DLAT: variants seen among roughly 807,000 people sequenced by gnomAD.
DLAT encodes dihydrolipoamide S-acetyltransferase.
Under a neutral mutation model 68.0 loss-of-function variants are expected in DLAT, and 43 were observed. That is an observed-to-expected ratio of 0.63 (90% CI 0.50 to 0.81). The LOEUF (loss-of-function observed/expected upper bound fraction) is 0.81, where lower values mean the gene tolerates loss of function less well. DLAT is among the 40% of genes least tolerant of loss of function. The probability of loss-of-function intolerance (pLI) is 0.00; values close to 1 mark genes in which losing one functional copy is unlikely to be tolerated. For synonymous variants in DLAT, 265 were observed against 288.6 expected (o/e 0.92, Z 0.83); for missense variants, 745 against 815.4 (o/e 0.91, Z 1.05).
intron 4 of DLAT, chr11:112,029,865 A>T: frequency 1.6e-6 from 1 of 618,432 alleles, no homozygotes; most frequent in South Asian, 1.4e-5. Context: ...AGATCACCAC[A>T]GTAGTTTGGG....
intron 4 of DLAT, among the ~76,000 whole-genome samples, chr11:112,029,149 C>G (rs1041993012): frequency 3.9e-5 from 6 of 152,218 alleles, no homozygotes; most frequent in African/African-American, 1.2e-4. Context: ...GTTCCTGTAA[C>G]CTTTCTCAGC....
intron 6 of DLAT, among the ~76,000 whole-genome samples, chr11:112,037,799 A>T (rs1555180687): frequency 6.8e-6 from 1 of 146,864 alleles, no homozygotes; most frequent in Non-Finnish European, 1.5e-5. Flanking sequence ...TTTTTAAGAG[A>T]CAAGGTCTCA....
At chr11:112,029,862 C>G in intron 4 of DLAT, 2 of 615,348 alleles carry the variant, frequency 3.3e-6, no homozygotes, top group South Asian at 2.7e-5. Context: ...TTGAGATCAC[C>G]ACAGTAGTTT....
Position 112,045,188 on chromosome 11 carries a change from T to C in DLAT, c.1248T>C (p.Pro416=). The C allele has an allele frequency of 1.2e-6, 2 of 1,614,186 alleles. No homozygotes were observed. The highest frequency in any genetic ancestry group is 1.6e-4 in the Middle Eastern group (1 of 6,062). ...CAGGTCCTGGAATGGCACCAGTTCCTACAGGTGTCTTCACAGATATCCCAA... is the reference window on the plus strand; with the variant it reads ...CAGGTCCTGGAATGGCACCAGTTCCCACAGGTGTCTTCACAGATATCCCAA... ...PPTGPGMAPV[P]TGVFTDIPIS... Residue 416 remains proline, a synonymous_variant, in exon 9 of 14, where the codon CCT becomes CCC. Coordinates refer to ENST00000280346, the MANE Select transcript of DLAT (RefSeq NM_001931.5).
intron 8 of DLAT, 45 bp downstream of exon 8, chr11:112,043,578 A>T (rs782515834): frequency 2.1e-6 from 3 of 1,456,938 alleles, no homozygotes; most frequent in South Asian, 2.3e-5. Flanking sequence ...TTGTCTCTAC[A>T]GCCTGTTAGA....
chr11:112,031,303 C>T (rs923845132), intron 4 of DLAT, among the ~76,000 whole-genome samples: 7 of 152,124 alleles, frequency 4.6e-5, no homozygotes, highest in African/African-American at 1.7e-4. Flanking sequence ...ATACACAAGC[C>T]ATATAAATAG....
intron 5 of DLAT, 63 bp downstream of exon 5, chr11:112,033,593 C>T: frequency 1.3e-6 from 2 of 1,586,724 alleles, no homozygotes; most frequent in Non-Finnish European, 1.7e-6. Context: ...AGAGGATTGC[C>T]ATTCTTTCCT....
At chr11:112,050,963 T>C (rs1457631064) in intron 10 of DLAT, among the ~76,000 whole-genome samples, 3 of 152,216 alleles carry the variant, frequency 2.0e-5, no homozygotes, top group African/African-American at 7.2e-5. Flanking sequence ...GTATATTCTC[T>C]TTCTCTTCCT....
In DLAT at chr11:112,063,909, A is replaced by G. The variant is rs587726387; in HGVS notation, c.*1374A>G. Reference sequence around the variant, plus strand: ...GAATCTGACCAGTGCTTCCTGGTATATGTAATATGTGGAGTTAGCCCCTGA... The same window carrying G: ...GAATCTGACCAGTGCTTCCTGGTATGTGTAATATGTGGAGTTAGCCCCTGA... On this transcript the variant is annotated 3_prime_UTR_variant, in exon 14 of 14. Transcript: ENST00000280346. 9.7e-5 allele frequency: 34 copies of G among 350,182 alleles called. No homozygotes were observed. Among genetic ancestry groups the G allele is most frequent in the African/African-American group, 4.6e-4 (22 of 47,562 alleles). The allele number at this position is 350,182 out of a possible 1,614,324, so 21.7% of individuals were successfully genotyped here.
At chr11:112,031,148 C>T (rs372996488) in intron 4 of DLAT, among the ~76,000 whole-genome samples, 45 of 152,296 alleles carry the variant, frequency 3.0e-4, no homozygotes, top group African/African-American at 1.0e-3. Context: ...ACAAAAAAAG[C>T]ACTTACAATT....
intron 11 of DLAT, among the ~76,000 whole-genome samples, chr11:112,056,272 G>T (rs1864068995): frequency 6.6e-6 from 1 of 152,100 alleles, no homozygotes; most frequent in Non-Finnish European, 1.5e-5. Context: ...GAATTACGCA[G>T]TCTTTACCAC....
chr11:112,055,465 C>T (rs1206767183), intron 11 of DLAT, among the ~76,000 whole-genome samples: 3 of 151,810 alleles, frequency 2.0e-5, no homozygotes, highest in Admixed American at 6.6e-5. Flanking sequence ...AGGATGGTCT[C>T]GATCTCCTGA....
chr11:112,028,669 T>C (rs781965971), intron 3 of DLAT, 30 bp downstream of exon 3: 1 of 1,614,176 alleles, frequency 6.2e-7, no homozygotes, highest in Non-Finnish European at 8.5e-7. Flanking sequence ...TTTGTGGAAC[T>C]TCATTGCTTG....
intron 10 of DLAT, among the ~76,000 whole-genome samples, chr11:112,050,228 A>T (rs1014064018): frequency 1.4e-4 from 22 of 152,138 alleles, no homozygotes; most frequent in Non-Finnish European, 2.9e-5. Context: ...AGATTTGATC[A>T]TGGTGAATGA....
At chr11:112,033,358 A>T (rs1862518513) in intron 4 of DLAT, 46 bp from the exon 5 acceptor site, 2 of 1,605,398 alleles carry the variant, frequency 1.2e-6, no homozygotes, top group African/African-American at 2.7e-5. Flanking sequence ...TTTATTATGT[A>T]GAAGTCTTCC....
chr11:112,025,526 C>A lies in DLAT; in HGVS notation c.54C>A (p.Leu18=), dbSNP rs1286345918. The A allele has an allele frequency of 6.8e-6, 11 of 1,613,830 alleles. No individual in the cohort carries two copies. In the African/African-American group the frequency reaches 1.2e-4, roughly 18 times the overall value. Residue 18 remains leucine, a synonymous_variant, in exon 1 of 14, where the codon CTC becomes CTA. Transcript: ENST00000280346. The part of the protein sequence containing the change: ...RAQNVAPWAG[L]EARWTALQEV... Reference sequence around the variant, plus strand: ...AGAATGTAGCCCCATGGGCGGGACTCGAGGCTCGGTGGACGGCCTTGCAGG... The same window carrying A: ...AGAATGTAGCCCCATGGGCGGGACTAGAGGCTCGGTGGACGGCCTTGCAGG...
chr11:112,025,666 C>T lies in DLAT; in HGVS notation c.194C>T (p.Ser65Phe), dbSNP rs587757466. 1.2e-6 allele frequency: 2 copies of T among 1,613,030 alleles called. No individual in the cohort carries two copies. The highest frequency in any genetic ancestry group is 2.2e-5 in the South Asian group (2 of 91,066). The change falls in exon 1 of 14, where the codon TCT becomes TTT. Residue 65 changes from serine to phenylalanine, a missense_variant. Physicochemically the swap from Ser to Phe is radical, Grantham distance 155. Transcript: ENST00000280346. The part of the protein sequence containing the change: ...VRALCGWTPS[S>F]GATPRNRLLL... ...GCACTGTGCGGCTGGACCCCCAGTTCTGGGGCCACGCCGCGGAACCGCTTA... is the reference window on the plus strand; with the variant it reads ...GCACTGTGCGGCTGGACCCCCAGTTTTGGGGCCACGCCGCGGAACCGCTTA...
intron 4 of DLAT, chr11:112,030,202 C>T (rs1431544432): frequency 5.0e-6 from 3 of 595,110 alleles, no homozygotes; most frequent in Non-Finnish European, 9.8e-6. Flanking sequence ...CCTATTGGAA[C>T]CCCATCTTTT....
intron 11 of DLAT, among the ~76,000 whole-genome samples, chr11:112,053,603 C>G (rs1555182193): frequency 6.6e-6 from 1 of 152,038 alleles, no homozygotes; most frequent in Non-Finnish European, 1.5e-5. Flanking sequence ...CAGGCATGCG[C>G]CACCACTCCC....
Sources: allele counts gnomAD v4.1 joint callset (sites outside exome capture counted in the v4.1 genomes callset), GRCh38; gene constraint gnomAD v4.1.1; transcripts MANE v1.5; gene names NCBI Gene and HGNC (gene_info 2026-07-23, HGNC 2026-07-21).